The following MACROH2A1 variants were observed in gnomAD, a reference collection of about 807,000 sequenced individuals.
MACROH2A1 encodes the protein core histone macro-H2A.1.
MACROH2A1 carries 2 observed loss-of-function variants against 31.6 expected under a neutral mutation model. The observed-to-expected ratio is 0.06, with a 90% confidence interval of 0.03 to 0.20. The LOEUF (loss-of-function observed/expected upper bound fraction) is 0.20. Among genes scored for constraint, MACROH2A1 ranks in the 10% least tolerant of loss-of-function variants. The pLI, the probability that MACROH2A1 is intolerant of heterozygous loss-of-function variation, is 1.00. For synonymous variants in MACROH2A1, 169 were observed against 189.6 expected, an observed-to-expected ratio of 0.89 and a Z score of 0.89; for missense variants, 230 against 474.0, an observed-to-expected ratio of 0.49 and a Z score of 4.78.
intron 8 of MACROH2A1, among the ~76,000 whole-genome samples, chr5:135,335,886 C>T (rs1052370402): frequency 1.3e-5 from 2 of 152,170 alleles, no homozygotes; most frequent in Non-Finnish European, 2.9e-5. Context: ...ATGTGGGTAG[C>T]CCAGGGGACC....
At chr5:135,390,734 T>A (rs533228647) in intron 1 of MACROH2A1, among the ~76,000 whole-genome samples, 1 of 152,322 alleles carries the variant, frequency 6.6e-6, no homozygotes, top group East Asian at 1.9e-4. Flanking sequence ...GAGTCCCTGT[T>A]ACTCTGATGC....
intron 2 of MACROH2A1, among the ~76,000 whole-genome samples, chr5:135,379,936 G>A (rs1765428035): frequency 1.3e-5 from 2 of 152,094 alleles, no homozygotes; most frequent in Admixed American, 1.3e-4. Context: ...ATCAGCCCTT[G>A]CTACATTTCT....
At position 135,334,900 on chromosome 5, in the gene MACROH2A1, G is replaced by T; in HGVS notation, c.*76C>A. On this transcript the variant is annotated 3_prime_UTR_variant, in exon 9 of 9. Transcript: ENST00000511689. ...ATGAAAGGGGTCCCACCTCCCAGTAGGAGTGAAGGGGATTTTTTTTTTCTT... is the reference window on the plus strand; with the variant it reads ...ATGAAAGGGGTCCCACCTCCCAGTATGAGTGAAGGGGATTTTTTTTTTCTT... 8.0e-7 allele frequency: 1 copy of T among 1,245,956 alleles called. No homozygotes were observed. Among genetic ancestry groups the T allele is most frequent in the Non-Finnish European group, 1.1e-6 (1 of 877,296 alleles). 77.2% of individuals were successfully genotyped at this position (1,245,956 alleles called of 1,614,324 possible). A position where few individuals can be genotyped will look rare whatever the true frequency, so the allele number is the denominator to read the frequency against.
chr5:135,399,130 CTT>C lies in MACROH2A1; in HGVS notation c.-104_-103del, dbSNP rs1768502725. ...CCTGAGCCCTCCTGGCCGCTCGCGC[CTT>C]TTCTCTCCGCGCTCCTCGCTGGCCC... On this transcript the variant is annotated 5_prime_UTR_variant, in exon 1 of 9. Coordinates refer to ENST00000511689, the MANE Select transcript of MACROH2A1 (RefSeq NM_138610.3). The surrounding 1 kb of genome is among the most constrained non-coding windows in gnomAD (Gnocchi z 4.5). The C allele has an allele frequency of 6.6e-6, 1 of 151,438 alleles. No homozygotes were observed. The allele number at this position is 151,438 out of a possible 1,614,324, so 9.4% of individuals were successfully genotyped here.
In MACROH2A1 at chr5:135,385,390, C is replaced by T. The variant is rs559932603; in HGVS notation, c.172+3532G>A. On this transcript the variant is annotated intron_variant, in intron 2 of 8. Coordinates refer to ENST00000511689, the MANE Select transcript of MACROH2A1 (RefSeq NM_138610.3). ...CACCACAGCTTTTCTCTTGCCTATACCTGTTTCTGGACAGGAAGCCCTTTG... is the reference window on the plus strand; with the variant it reads ...CACCACAGCTTTTCTCTTGCCTATATCTGTTTCTGGACAGGAAGCCCTTTG... Among the ~76,000 whole-genome samples the T allele has an allele frequency of 2.6e-5, 4 of 152,292 alleles. No individual in the cohort carries two copies. In the South Asian group the frequency reaches 6.2e-4, roughly 24 times the overall value.
At chr5:135,388,513 A>C (rs1766739298) in intron 2 of MACROH2A1, among the ~76,000 whole-genome samples, 1 of 152,258 alleles carries the variant, frequency 6.6e-6, no homozygotes, top group Non-Finnish European at 1.5e-5. Flanking sequence ...ATTTTTTAAA[A>C]GCTGGCAAAC....
chr5:135,397,271 C>G (rs1490619450), intron 1 of MACROH2A1, among the ~76,000 whole-genome samples: 1 of 152,092 alleles, frequency 6.6e-6, no homozygotes, highest in South Asian at 2.1e-4. Context: ...TCCTCAAGTT[C>G]GCCTCTCTCA....
At chr5:135,346,080 C>G in intron 6 of MACROH2A1, 23 bp from the exon 7 acceptor site, 1 of 1,517,730 alleles carries the variant, frequency 6.6e-7, no homozygotes, top group Non-Finnish European at 9.2e-7. Context: ...AGGGTGGGGT[C>G]AGGTTGCCAT....
intron 8 of MACROH2A1, among the ~76,000 whole-genome samples, chr5:135,335,408 AGTGTTTTGTG>A (rs1330975285): frequency 6.6e-6 from 1 of 152,182 alleles, no homozygotes; most frequent in Non-Finnish European, 1.5e-5. Flanking sequence ...CAAACAGAAT[AGTGTTTTGTG>A]GTGTGCATTA....
Position 135,358,999 on chromosome 5 carries a change from C to G in MACROH2A1, c.588+1498G>C, listed in dbSNP as rs1180023517. 5.1e-6 allele frequency: 5 copies of G among 985,274 alleles called. No individual in the cohort carries two copies. The African/African-American group carries it at 5.2e-5, about 10-fold the overall frequency. The allele number at this position is 985,274 out of a possible 1,614,324, so 61.0% of individuals were successfully genotyped here. A position where few individuals can be genotyped will look rare whatever the true frequency, so the allele number is the denominator to read the frequency against. On this transcript the variant is annotated intron_variant, in intron 5 of 8. Transcript: ENST00000511689. Reference sequence around the variant, plus strand: ...CCCAGAGGAGGCCGTGATCCCATTTCTTTCAGAAGATCACAGCAACAAGAA... The same window carrying G: ...CCCAGAGGAGGCCGTGATCCCATTTGTTTCAGAAGATCACAGCAACAAGAA...
intron 8 of MACROH2A1, among the ~76,000 whole-genome samples, chr5:135,336,553 A>G (rs1334374555): frequency 1.3e-5 from 2 of 152,316 alleles, no homozygotes; most frequent in South Asian, 2.1e-4. Context: ...TCTTCCCATG[A>G]GAGGGGTCAG....
chr5:135,338,739 G>A (rs1011482634), intron 8 of MACROH2A1, among the ~76,000 whole-genome samples: 8 of 151,502 alleles, frequency 5.3e-5, no homozygotes, highest in Non-Finnish European at 1.0e-4. Flanking sequence ...AGCCATTCCT[G>A]CCTGGCCTGG....
At chr5:135,380,731 G>A (rs1473489391) in intron 2 of MACROH2A1, among the ~76,000 whole-genome samples, 2 of 152,108 alleles carry the variant, frequency 1.3e-5, no homozygotes, top group East Asian at 1.9e-4. Flanking sequence ...CATACTACAT[G>A]TGCCCATTAT....
intron 5 of MACROH2A1, chr5:135,358,726 G>A (rs747246084): frequency 2.1e-6 from 2 of 936,946 alleles, no homozygotes; most frequent in East Asian, 2.3e-4. Flanking sequence ...TTATTATAGA[G>A]TATCAATACT....
intron 1 of MACROH2A1, among the ~76,000 whole-genome samples, chr5:135,391,702 T>G (rs955480650): frequency 6.6e-6 from 1 of 152,210 alleles, no homozygotes; most frequent in African/African-American, 2.4e-5. Flanking sequence ...GGCAATGTCA[T>G]GCACCAAACT....
At chr5:135,342,858 G>C (rs1285874254) in intron 8 of MACROH2A1, among the ~76,000 whole-genome samples, 1 of 152,100 alleles carries the variant, frequency 6.6e-6, no homozygotes, top group Non-Finnish European at 1.5e-5. Context: ...GTGGTTTGGG[G>C]GACAGACCAT....
chr5:135,361,833 T>C (rs1340750925), intron 4 of MACROH2A1: 1 of 152,230 alleles, frequency 6.6e-6, no homozygotes, highest in African/African-American at 2.4e-5. Flanking sequence ...TAATGGCTTT[T>C]AACAATAAGG....
chr5:135,376,344 G>C (rs1011322915), intron 2 of MACROH2A1, among the ~76,000 whole-genome samples: 9 of 152,114 alleles, frequency 5.9e-5, no homozygotes, highest in African/African-American at 2.2e-4. Flanking sequence ...AGCTTAATTT[G>C]GGAATCTGTA....
chr5:135,351,135 G>C (rs3776211), intron 6 of MACROH2A1: 38,274 of 427,346 alleles, frequency 0.09, 3,761 homozygotes, highest in African/African-American at 0.34. Context: ...ATTTGAATGA[G>C]AAGTCCAAAA....
Sources: gnomAD v4.1 joint callset for allele counts (sites outside exome capture counted in the v4.1 genomes callset) on GRCh38, gnomAD v4.1.1 for gene constraint, Gnocchi (gnomAD v3.1) non-coding constraint, MANE v1.5 for transcripts, NCBI Gene and HGNC (gene_info 2026-07-23, HGNC 2026-07-21) for gene names.